Variants in MMAA observed in about 807,000 individuals in gnomAD.
The protein encoded by MMAA is methylmalonic aciduria type A protein, mitochondrial.
A neutral mutation model predicts 45.0 loss-of-function variants in MMAA; 41 were observed. The observed-to-expected ratio is 0.91, with a 90% confidence interval of 0.71 to 1.18. The LOEUF is 1.18. Among genes scored for constraint, MMAA ranks in the 50% most tolerant of loss-of-function variants. The probability of loss-of-function intolerance (pLI) is 0.00; values close to 1 mark genes in which losing one functional copy is unlikely to be tolerated. For synonymous variants in MMAA, 154 were observed against 178.2 expected, an observed-to-expected ratio of 0.86 and a Z score of 1.08; for missense variants, 460 against 495.7, an observed-to-expected ratio of 0.93 and a Z score of 0.68.
At chr4:145,646,687 T>C (rs1270231902) in intron 4 of MMAA, 9 of 159,668 alleles carry the variant, frequency 5.6e-5, no homozygotes, top group African/African-American at 2.2e-4. Context: ...CTAACTCAGA[T>C]GTGGGGGTCC....
intron 1 of MMAA, 34 bp from the exon 2 acceptor site, chr4:145,639,041 A>C: frequency 9.0e-7 from 1 of 1,106,296 alleles, no homozygotes; most frequent in Non-Finnish European, 1.4e-6. Flanking sequence ...TTAGTTATAT[A>C]TCGAACTGGC....
chr4:145,659,383 G>T lies in MMAA; in HGVS notation c.*3949G>T, dbSNP rs1728326278. ...TCACTCTGTACTAGAAAATGTAGAT[G>T]ATGTGAGTCAAAGTTCATTAATATT... On this transcript the variant is annotated 3_prime_UTR_variant, in exon 7 of 7. Transcript: ENST00000649156. The T allele has an allele frequency of 6.6e-6, 1 of 152,138 alleles. No homozygotes were observed. The highest frequency in any genetic ancestry group is 6.5e-5 in the Admixed American group (1 of 15,276). The allele number at this position is 152,138 out of a possible 1,614,324, so 9.4% of individuals were successfully genotyped here. A position where few individuals can be genotyped will look rare whatever the true frequency, so the allele number is the denominator to read the frequency against.
Position 145,639,393 on chromosome 4 carries a change from T to C in MMAA, c.254T>C (p.Phe85Ser), listed in dbSNP as rs372082521. ...GGACTTTCTGATAAAGAGCAAAGAT[T>C]TGTGGATAAACTTTATACTGGTTTA... The part of the protein sequence containing the change: ...TEGLSDKEQR[F>S]VDKLYTGLIQ... The change falls in exon 2 of 7, where the codon TTT (phenylalanine) becomes TCT (serine). Residue 85 changes from phenylalanine to serine, a missense_variant. By Grantham distance (155) the Phe-to-Ser change is radical. Transcript: ENST00000649156. 5 of 1,614,080 alleles carry C rather than the reference T, an allele frequency of 3.1e-6. No individual in the cohort carries two copies. Among genetic ancestry groups the C allele is most frequent in the Non-Finnish European group, 4.2e-6 (5 of 1,180,048 alleles).
intron 4 of MMAA, among the ~76,000 whole-genome samples, chr4:145,647,410 G>A (rs554641569): frequency 6.6e-6 from 1 of 152,332 alleles, no homozygotes; most frequent in South Asian, 2.1e-4. Flanking sequence ...ATGGTTCATA[G>A]TTTCATAGTT....
chr4:145,649,479 T>C (rs913045347), intron 4 of MMAA, among the ~76,000 whole-genome samples: 3 of 152,168 alleles, frequency 2.0e-5, no homozygotes, highest in African/African-American at 4.8e-5. Context: ...CACTTCCATG[T>C]TCCACATAGA....
At chr4:145,651,226 T>C in intron 5 of MMAA, 79 bp downstream of exon 5, 1 of 1,186,846 alleles carries the variant, frequency 8.4e-7, no homozygotes, top group African/African-American at 1.5e-5. Context: ...TGTGTTTTTG[T>C]AAACTAAGTT....
intron 1 of MMAA, among the ~76,000 whole-genome samples, chr4:145,619,993 C>T (rs1474794879): frequency 6.6e-6 from 1 of 152,090 alleles, no homozygotes; most frequent in Admixed American, 6.5e-5. Flanking sequence ...AAATGAAAGA[C>T]GACCTAAACC....
In MMAA at chr4:145,657,373, A is replaced by G. The variant is rs1408202571; in HGVS notation, c.*1939A>G. 1 of 150,838 alleles carries G rather than the reference A, an allele frequency of 6.6e-6. No homozygotes were observed. The highest frequency in any genetic ancestry group is 1.5e-5 in the Non-Finnish European group (1 of 67,794). 9.3% of individuals were successfully genotyped at this position (150,838 alleles called of 1,614,324 possible). ...GGAGGTAATATAATAATAATGAAAT[A>G]TAGCTTTTTTTTTCAACTCAGAAAT... On this transcript the variant is annotated 3_prime_UTR_variant, in exon 7 of 7. Transcript: ENST00000649156.
intron 1 of MMAA, among the ~76,000 whole-genome samples, chr4:145,632,130 C>T (rs938579964): frequency 1.3e-5 from 2 of 152,186 alleles, no homozygotes; most frequent in African/African-American, 4.8e-5. Context: ...TCTTATTGCT[C>T]ACTAATGTCC....
intron 1 of MMAA, chr4:145,624,634 G>A (rs1263799309): frequency 5.2e-5 from 73 of 1,416,100 alleles, no homozygotes; most frequent in Non-Finnish European, 5.9e-5. Flanking sequence ...TTACTAGAAG[G>A]ACAGAGCCAC....
rs991289544 is a variant in MMAA at position 145,625,476 on chromosome 4, G to T, written c.-66+6069G>T. On this transcript the variant is annotated intron_variant, in intron 1 of 6. Transcript: ENST00000649156. The stretch of plus-strand genomic sequence containing the variant: ...ATACTGGATGCTGACTTCTGCTCTG[G>T]CATAGGGATATAGCCTCTTCTCCAG... 5 of 717,430 alleles carry T rather than the reference G, an allele frequency of 7.0e-6. No individual in the cohort carries two copies. The Admixed American group carries it at 8.8e-5, about 13-fold the overall frequency. The allele number at this position is 717,430 out of a possible 1,614,324, so 44.4% of individuals were successfully genotyped here. A position where few individuals can be genotyped will look rare whatever the true frequency, so the allele number is the denominator to read the frequency against.
In MMAA at chr4:145,659,691, C is replaced by T. The variant is rs1428775533; in HGVS notation, c.*4257C>T. 6.6e-6 allele frequency: 1 copy of T among 152,074 alleles called. No homozygotes were observed. The highest frequency in any genetic ancestry group is 2.1e-4 in the South Asian group (1 of 4,822). 9.4% of individuals were successfully genotyped at this position (152,074 alleles called of 1,614,324 possible). Reference sequence around the variant, plus strand: ...TACAATAATTTTTGACACATTGAAGCTGTGCATGTTTATGGGGGCACAATT... The same window carrying T: ...TACAATAATTTTTGACACATTGAAGTTGTGCATGTTTATGGGGGCACAATT... On this transcript the variant is annotated 3_prime_UTR_variant, in exon 7 of 7. Coordinates refer to ENST00000649156, the MANE Select transcript of MMAA (RefSeq NM_172250.3).
At chr4:145,648,802 T>C (rs1166679442) in intron 4 of MMAA, among the ~76,000 whole-genome samples, 1 of 152,022 alleles carries the variant, frequency 6.6e-6, no homozygotes, top group Non-Finnish European at 1.5e-5. Context: ...CTGGGCAAGA[T>C]GGTAAAACCC....
chr4:145,624,915 A>G (rs1325513532), intron 1 of MMAA: 2 of 1,484,918 alleles, frequency 1.3e-6, no homozygotes, highest in African/African-American at 1.4e-5. Context: ...GTGGTCATGC[A>G]GGCACTTAGA....
At chr4:145,648,737 C>A (rs1264417885) in intron 4 of MMAA, among the ~76,000 whole-genome samples, 2 of 152,188 alleles carry the variant, frequency 1.3e-5, no homozygotes, top group African/African-American at 4.8e-5. Context: ...GTAATCCCAG[C>A]ACTTTGGGAG....
At chr4:145,641,978 G>A (rs1214107175) in intron 2 of MMAA, among the ~76,000 whole-genome samples, 1 of 152,314 alleles carries the variant, frequency 6.6e-6, no homozygotes, top group African/African-American at 2.4e-5. Context: ...GTGGGAAGAA[G>A]TATACAGAAC....
intron 2 of MMAA, among the ~76,000 whole-genome samples, chr4:145,641,734 A>C (rs995734393): frequency 6.6e-6 from 1 of 152,230 alleles, no homozygotes; most frequent in African/African-American, 2.4e-5. Context: ...TGGGAGGCAG[A>C]GCTAGAATGA....
chr4:145,641,921 G>A (rs144088732), intron 2 of MMAA, among the ~76,000 whole-genome samples: 254 of 152,248 alleles, frequency 1.7e-3, no homozygotes, highest in African/African-American at 5.7e-3. Flanking sequence ...ATAGAAAATT[G>A]CTTTCTCAAT....
At position 145,632,896 on chromosome 4, in the gene MMAA, T is replaced by G. The variant is rs556794219; in HGVS notation, c.-65-6179T>G. ...CCTCGGCCTCCTGAGTAACTGGGACTACAGCCATCACACCCAGCTAATTTT... is the reference window on the plus strand; with the variant it reads ...CCTCGGCCTCCTGAGTAACTGGGACGACAGCCATCACACCCAGCTAATTTT... On this transcript the variant is annotated intron_variant, in intron 1 of 6. Transcript: ENST00000649156. Among the ~76,000 whole-genome samples the G allele has an allele frequency of 5.3e-5, 8 of 152,078 alleles. No homozygotes were observed. The South Asian group carries it at 1.7e-3, about 32-fold the overall frequency.
Sources: gnomAD v4.1 joint callset for allele counts (sites outside exome capture counted in the v4.1 genomes callset) on GRCh38, gnomAD v4.1.1 for gene constraint, MANE v1.5 for transcripts, NCBI Gene and HGNC (gene_info 2026-07-23, HGNC 2026-07-21) for gene names.